The following TEX11 variants were observed in gnomAD, a reference collection of about 807,000 sequenced individuals.
The protein encoded by TEX11 is testis expressed 11, also known as testis-expressed protein 11.
A neutral mutation model predicts 84.4 loss-of-function variants in TEX11; 7 were observed. That is an observed-to-expected ratio of 0.08 (90% CI 0.05 to 0.16). The LOEUF (loss-of-function observed/expected upper bound fraction) is 0.16. Among genes scored for constraint, TEX11 ranks in the 10% least tolerant of loss-of-function variants. The pLI, the probability that TEX11 is intolerant of heterozygous loss-of-function variation, is 1.00. For synonymous variants in TEX11, 264 were observed against 222.8 expected (o/e 1.18, Z -1.64); for missense variants, 551 against 660.5 (o/e 0.83, Z 1.82).
chrX:70,520,568 T>G, the TEX11 span, among the ~76,000 whole-genome samples: 1 of 112,530 alleles, frequency 8.9e-6, no homozygotes, highest in East Asian at 2.8e-4. Context: ...CACTGGGAGA[T>G]GTCTCCCAGT....
At chrX:70,665,944 A>C (rs907750006) in intron 16 of TEX11, among the ~76,000 whole-genome samples, 4 of 112,159 alleles carry the variant, frequency 3.6e-5, no homozygotes, top group Non-Finnish European at 7.5e-5. Context: ...CAAGGACAGA[A>C]ATAGCATGAG....
chrX:70,815,857 G>T (rs189532337), intron 8 of TEX11, among the ~76,000 whole-genome samples: 17 of 111,811 alleles, frequency 1.5e-4, no homozygotes, highest in African/African-American at 5.2e-4. Context: ...TTTTGGTTTT[G>T]ATTTTTTAGG....
At position 70,715,081 on chromosome X, in the gene TEX11, G is replaced by C. The variant is rs185786315; in HGVS notation, c.1004+7537C>G. ...TAGTTTGGCTGGACATGAAATTCTGGGTTGAAAATTCTTTTCTTTAAGAAT... is the reference window on the plus strand; with the variant it reads ...TAGTTTGGCTGGACATGAAATTCTGCGTTGAAAATTCTTTTCTTTAAGAAT... On this transcript the variant is annotated intron_variant, in intron 13 of 29. Transcript: ENST00000374333. Among the ~76,000 whole-genome samples, 602 of 111,280 alleles carry C rather than the reference G, an allele frequency of 5.4e-3. 3 individuals carry two copies. Among genetic ancestry groups the C allele is most frequent in the African/African-American group, 0.019 (587 of 30,425 alleles).
chrX:70,855,449 C>G (rs2091530799), intron 5 of TEX11, among the ~76,000 whole-genome samples: 1 of 109,703 alleles, frequency 9.1e-6, no homozygotes, highest in African/African-American at 3.3e-5. Flanking sequence ...GCCTGTAGCC[C>G]CAGCTCCTCA....
At chrX:70,718,507 G>A (rs780871071) in intron 13 of TEX11, among the ~76,000 whole-genome samples, 21 of 111,935 alleles carry the variant, frequency 1.9e-4, no homozygotes, top group Non-Finnish European at 2.3e-4. Flanking sequence ...GCACTTTCGC[G>A]AGAAAGATTC....
chrX:70,906,616 T>C (rs1203152009), intron 2 of TEX11, among the ~76,000 whole-genome samples: 1 of 110,364 alleles, frequency 9.1e-6, no homozygotes, highest in Non-Finnish European at 1.9e-5. Context: ...GGTGAAACCC[T>C]GTCTCTACTA....
chrX:70,593,450 G>A (rs962460786), intron 24 of TEX11, among the ~76,000 whole-genome samples: 2 of 111,901 alleles, frequency 1.8e-5, no homozygotes, highest in African/African-American at 6.5e-5. Context: ...TATCTAAAAC[G>A]TCCAGTTTTC....
At chrX:70,566,068 C>T (rs2088469573) in intron 25 of TEX11, among the ~76,000 whole-genome samples, 1 of 108,351 alleles carries the variant, frequency 9.2e-6, no homozygotes, top group Non-Finnish European at 1.9e-5. Context: ...TTTGTATCCT[C>T]TTTTATTTCC....
intron 25 of TEX11, among the ~76,000 whole-genome samples, chrX:70,563,318 T>C (rs937463509): frequency 7.1e-5 from 8 of 111,897 alleles, no homozygotes; most frequent in South Asian, 7.5e-4. Context: ...GGAAAACATG[T>C]AAAGGAGAAG....
chrX:70,526,085 T>G (rs1321553960), downstream of TEX11, among the ~76,000 whole-genome samples: 1 of 111,777 alleles, frequency 8.9e-6, no homozygotes, highest in Non-Finnish European at 1.9e-5. Context: ...AGGGGCAGCC[T>G]CTTGGTCAGG....
In TEX11 at chrX:70,606,878, A is replaced by G. The variant is rs142575637; in HGVS notation, c.1950+81T>C. 3.5e-3 allele frequency: 1,981 copies of G among 559,584 alleles called. 14 individuals are homozygous for G. Among genetic ancestry groups the G allele is most frequent in the East Asian group, 0.032 (876 of 27,354 alleles). The allele number at this position is 559,584 out of a possible 1,213,427, so 46.1% of individuals were successfully genotyped here. ...CTAGATCAAGAGACAATCCTAGTCT[A>G]TATTTAGCCCTTTACTATAGCCATA... On this transcript the variant is annotated intron_variant, in intron 23 of 29. Transcript: ENST00000374333.
chrX:70,691,658 T>A (rs2090235818), intron 13 of TEX11, among the ~76,000 whole-genome samples: 1 of 111,185 alleles, frequency 9.0e-6, no homozygotes, highest in South Asian at 3.8e-4. Flanking sequence ...TTACCAGAGT[T>A]TCATTGGGTG....
At chrX:70,792,341 T>C (rs2091128210) in intron 9 of TEX11, among the ~76,000 whole-genome samples, 3 of 11,253 alleles carry the variant, frequency 2.7e-4, no homozygotes, top group East Asian at 6.5e-3. Context: ...TATATATATA[T>C]ATATATATAT....
At chrX:70,761,886 TAAAG>T (rs201895892) in intron 9 of TEX11, among the ~76,000 whole-genome samples, 1,187 of 110,158 alleles carry the variant, frequency 0.011, 11 homozygotes, top group African/African-American at 0.038. Flanking sequence ...AGCCCAATGA[TAAAG>T]AAAGGATCTT....
At chrX:70,863,882 A>C (rs1367928799) in intron 4 of TEX11, among the ~76,000 whole-genome samples, 1 of 111,821 alleles carries the variant, frequency 8.9e-6, no homozygotes, top group African/African-American at 3.3e-5. Context: ...GAGGAGCATA[A>C]ATTAACTGAT....
intron 29 of TEX11, 74 bp downstream of exon 29, chrX:70,529,761 T>A (rs970382486): frequency 1.9e-6 from 2 of 1,040,437 alleles, no homozygotes; most frequent in African/African-American, 3.8e-5. Flanking sequence ...TGGGGTTGAG[T>A]CCTTGTGGAG....
rs188546256 is a variant in TEX11 at position 70,683,125 on chromosome X, G to A, written c.1005-300C>T. ...TTGCAAGCTTTAAAAATTGGTTACC[G>A]AGATCCAGTGAAGTTACATGAAAAG... On this transcript the variant is annotated intron_variant, in intron 13 of 29. Coordinates refer to ENST00000374333, the MANE Select transcript of TEX11 (RefSeq NM_031276.3). Among the ~76,000 whole-genome samples, 14 of 110,929 alleles carry A rather than the reference G, an allele frequency of 1.3e-4. No homozygotes were observed. The East Asian group carries it at 3.1e-3, about 24-fold the overall frequency.
chrX:70,683,568 G>T (rs1403816770), intron 13 of TEX11, among the ~76,000 whole-genome samples: 1 of 111,393 alleles, frequency 9.0e-6, no homozygotes, highest in African/African-American at 3.3e-5. Flanking sequence ...GCTGCAGTGG[G>T]CTGTGATCGG....
chrX:70,781,193 C>A (rs1175128290), intron 9 of TEX11, among the ~76,000 whole-genome samples: 5 of 111,872 alleles, frequency 4.5e-5, no homozygotes, highest in African/African-American at 1.6e-4. Flanking sequence ...GGACCTCCAG[C>A]AAACTCCAAC....
Sources: gnomAD v4.1 joint callset for allele counts (sites outside exome capture counted in the v4.1 genomes callset) on GRCh38, gnomAD v4.1.1 for gene constraint, MANE v1.5 for transcripts, NCBI Gene and HGNC (gene_info 2026-07-23, HGNC 2026-07-21) for gene names.